Variants in CASR observed in about 807,000 individuals in gnomAD.
CASR encodes the protein calcium sensing receptor, also known as extracellular calcium-sensing receptor.
A neutral mutation model predicts 69.1 loss-of-function variants in CASR; 23 were observed. That is an observed-to-expected ratio of 0.33 (90% CI 0.24 to 0.47). CASR has a LOEUF of 0.47. Among genes scored for constraint, CASR ranks in the 20% least tolerant of loss-of-function variants. CASR has a pLI of 1.00. For missense variants in CASR, 924 were observed against 1,356.1 expected, an observed-to-expected ratio of 0.68 and a Z score of 5.00; for synonymous variants, 541 against 544.7, an observed-to-expected ratio of 0.99 and a Z score of 0.10.
chr3:122,226,890 C>G (rs1576833961), intron 1 of CASR, among the ~76,000 whole-genome samples: 1 of 152,128 alleles, frequency 6.6e-6, no homozygotes, highest in Non-Finnish European at 1.5e-5. Context: ...TGTCCACAAT[C>G]CTTGAGCTAG....
At chr3:122,214,475 ATTG>A (rs1365382249) in intron 1 of CASR, among the ~76,000 whole-genome samples, 14 of 152,170 alleles carry the variant, frequency 9.2e-5, no homozygotes, top group Non-Finnish European at 1.8e-4. Flanking sequence ...AAGGGATGAC[ATTG>A]TTGTTCTCTT....
At chr3:122,267,922 T>G (rs1343057714) in intron 4 of CASR, among the ~76,000 whole-genome samples, 2 of 152,230 alleles carry the variant, frequency 1.3e-5, no homozygotes, top group Non-Finnish European at 2.9e-5. Context: ...CATTTCATTT[T>G]TAAAATATGT....
chr3:122,285,141 G>C lies in CASR; in HGVS notation c.3187G>C (p.Val1063Leu). Residue 1063 changes from valine to leucine, a missense_variant, in exon 7 of 7, where the codon GTC (valine) becomes CTC (leucine). By Grantham distance (32) the Val-to-Leu change is conservative. Transcript: ENST00000639785. Reference protein sequence around the residue: ...ALVVSSSQSFVISGGGSTVTE... With the variant: ...ALVVSSSQSFLISGGGSTVTE... ...TGTAGTGTCCAGTTCACAGAGCTTTGTCATCAGTGGTGGAGGCAGCACTGT... is the reference window on the plus strand; with the variant it reads ...TGTAGTGTCCAGTTCACAGAGCTTTCTCATCAGTGGTGGAGGCAGCACTGT... 1 of 1,614,158 alleles carries C rather than the reference G, an allele frequency of 6.2e-7. No homozygotes were observed. Among genetic ancestry groups the C allele is most frequent in the Non-Finnish European group, 8.5e-7 (1 of 1,180,020 alleles).
intron 1 of CASR, among the ~76,000 whole-genome samples, chr3:122,201,490 T>A (rs1190474913): frequency 6.6e-6 from 1 of 152,254 alleles, no homozygotes; most frequent in Non-Finnish European, 1.5e-5. Context: ...ATTGTCATCA[T>A]GGCCTGCTCT....
intron 1 of CASR, among the ~76,000 whole-genome samples, chr3:122,243,262 C>T (rs2074395082): frequency 6.6e-6 from 1 of 152,044 alleles, no homozygotes; most frequent in Non-Finnish European, 1.5e-5. Flanking sequence ...AGAAAATATT[C>T]GCAAACTAGC....
At chr3:122,281,937 T>A in intron 5 of CASR, 176 bp from the exon 6 acceptor site, 1 of 755,728 alleles carries the variant, frequency 1.3e-6, no homozygotes, top group South Asian at 1.6e-5. Flanking sequence ...TCTGTCCCTT[T>A]CACAGATATC....
At chr3:122,233,605 G>C (rs56777297) in intron 1 of CASR, among the ~76,000 whole-genome samples, 24,651 of 152,178 alleles carry the variant, frequency 0.16, 2,074 homozygotes, top group Non-Finnish European at 0.18. Context: ...ACTGTCTCCA[G>C]AGCGAATGTT....
At chr3:122,204,688 A>G (rs1219648400) in intron 1 of CASR, among the ~76,000 whole-genome samples, 1 of 152,130 alleles carries the variant, frequency 6.6e-6, no homozygotes, top group Non-Finnish European at 1.5e-5. Context: ...TTACATCCTC[A>G]CCAACAGTGT....
chr3:122,269,494 A>G (rs2074733143), intron 4 of CASR, among the ~76,000 whole-genome samples: 1 of 152,156 alleles, frequency 6.6e-6, no homozygotes. Context: ...CTTTTGTAGT[A>G]TGTTATTGTA....
intron 1 of CASR, among the ~76,000 whole-genome samples, chr3:122,214,872 A>G (rs1365065958): frequency 1.6e-5 from 2 of 125,660 alleles, no homozygotes; most frequent in Non-Finnish European, 3.4e-5. Flanking sequence ...AAAGGGTCAC[A>G]CGAAAGCCCA....
At chr3:122,216,235 C>G (rs756124603) in intron 1 of CASR, among the ~76,000 whole-genome samples, 7 of 152,188 alleles carry the variant, frequency 4.6e-5, no homozygotes, top group Non-Finnish European at 7.4e-5. Context: ...TTTCTTTCCC[C>G]TTGTACTCTC....
chr3:122,265,369 T>A (rs1377012982), intron 4 of CASR, among the ~76,000 whole-genome samples: 2 of 152,168 alleles, frequency 1.3e-5, no homozygotes, highest in Non-Finnish European at 2.9e-5. Context: ...TTTATGAGCA[T>A]ACAACTCACA....
At chr3:122,276,543 T>G (rs1326714419) in intron 5 of CASR, among the ~76,000 whole-genome samples, 1 of 152,256 alleles carries the variant, frequency 6.6e-6, no homozygotes, top group East Asian at 1.9e-4. Flanking sequence ...TGACAAAGAA[T>G]TGATCCCGCC....
intron 4 of CASR, among the ~76,000 whole-genome samples, chr3:122,264,500 A>G (rs551596044): frequency 3.9e-5 from 6 of 152,312 alleles, no homozygotes; most frequent in African/African-American, 1.4e-4. Flanking sequence ...GGATGCCATT[A>G]CCAAAAGGAG....
intron 1 of CASR, among the ~76,000 whole-genome samples, chr3:122,221,388 G>T (rs983298796): frequency 6.6e-6 from 1 of 152,074 alleles, no homozygotes; most frequent in African/African-American, 2.4e-5. Context: ...CCCAGCTCTA[G>T]GACACCCCTG....
At chr3:122,247,472 C>G (rs1270451024) in intron 1 of CASR, 1 of 152,152 alleles carries the variant, frequency 6.6e-6, no homozygotes, top group African/African-American at 2.4e-5. Flanking sequence ...AGTTGCATAT[C>G]TTCGCTTTTC....
intron 4 of CASR, among the ~76,000 whole-genome samples, chr3:122,265,378 C>A (rs2074680991): frequency 6.6e-6 from 1 of 152,120 alleles, no homozygotes; most frequent in Non-Finnish European, 1.5e-5. Context: ...ATACAACTCA[C>A]AATTGCCTCC....
intron 1 of CASR, among the ~76,000 whole-genome samples, chr3:122,201,169 C>T (rs2073946968): frequency 6.6e-6 from 1 of 152,118 alleles, no homozygotes; most frequent in Admixed American, 6.5e-5. Flanking sequence ...GTTTGTGTCC[C>T]TGGGTACTTG....
At chr3:122,212,727 C>T (rs113404989) in intron 1 of CASR, among the ~76,000 whole-genome samples, 3,156 of 151,732 alleles carry the variant, frequency 0.021, 100 homozygotes, top group African/African-American at 0.073. Flanking sequence ...CCACAACCTC[C>T]GCTTCCCAAG....
Sources: allele counts gnomAD v4.1 joint callset (sites outside exome capture counted in the v4.1 genomes callset), GRCh38; gene constraint gnomAD v4.1.1; transcripts MANE v1.5; gene names NCBI Gene and HGNC (gene_info 2026-07-23, HGNC 2026-07-21).